Variants in FKBP9 observed in about 807,000 individuals in gnomAD.
The protein encoded by FKBP9 is peptidyl-prolyl cis-trans isomerase FKBP9.
Under a neutral mutation model 55.6 loss-of-function variants are expected in FKBP9, and 27 were observed. The ratio of observed to expected loss-of-function variants is 0.49; its 90% CI spans 0.36 to 0.67. The LOEUF is 0.67. FKBP9 is among the 30% of genes least tolerant of loss of function. The pLI, the probability that FKBP9 is intolerant of heterozygous loss-of-function variation, is 0.00. For synonymous variants in FKBP9, 267 were observed against 296.5 expected, an observed-to-expected ratio of 0.90 and a Z score of 1.02; for missense variants, 539 against 742.8, an observed-to-expected ratio of 0.73 and a Z score of 3.19.
intron 5 of FKBP9, among the ~76,000 whole-genome samples, chr7:32,984,468 G>A (rs919790092): frequency 9.2e-5 from 14 of 152,104 alleles, no homozygotes; most frequent in African/African-American, 3.4e-4. Flanking sequence ...ATTTCGGCCT[G>A]GTTGGTATCA....
Position 32,973,809 on chromosome 7 carries a change from G to A in FKBP9, c.222-808G>A, listed in dbSNP as rs1784303223. Among the ~76,000 whole-genome samples the A allele has an allele frequency of 4.6e-5, 2 of 43,346 alleles. 1 individual carries two copies. The highest frequency in any genetic ancestry group is 3.9e-4 in the Admixed American group (2 of 5,134). The allele number at this position is 43,346 out of a possible 152,430, so 28.4% of individuals were successfully genotyped here. On this transcript the variant is annotated intron_variant, in intron 1 of 9. Coordinates refer to ENST00000242209, the MANE Select transcript of FKBP9 (RefSeq NM_007270.5). ...GAGTTCAAGTGATTCTCCTGTCTCA[G>A]CCTCCCGAGTAGCTGGGATTACAGG...
intron 9 of FKBP9, among the ~76,000 whole-genome samples, chr7:33,004,524 C>A (rs924736933): frequency 6.6e-6 from 1 of 152,186 alleles, no homozygotes; most frequent in Non-Finnish European, 1.5e-5. Context: ...TCGGTCCTTT[C>A]CTTCTCATCT....
Position 33,002,800 on chromosome 7 carries a change from A to G in FKBP9, c.1497A>G (p.Glu499=), listed in dbSNP as rs1480647838. Residue 499 remains glutamate, a synonymous_variant, in exon 9 of 10, where the codon GAA becomes GAG. Coordinates refer to ENST00000242209, the MANE Select transcript of FKBP9 (RefSeq NM_007270.5). ...AGGTGTCACCCAACCTCTTTGAAGAAATTGACAAGGATGGCAACGGAGAAG... is the reference window on the plus strand; with the variant it reads ...AGGTGTCACCCAACCTCTTTGAAGAGATTGACAAGGATGGCAACGGAGAAG... ...NGEVSPNLFE[E]IDKDGNGEVL... 1 of 1,614,176 alleles carries G rather than the reference A, an allele frequency of 6.2e-7. No homozygotes were observed.
intron 1 of FKBP9, 28 bp downstream of exon 1, chr7:32,957,822 C>T: frequency 7.1e-7 from 1 of 1,406,516 alleles, no homozygotes; most frequent in Non-Finnish European, 9.3e-7. Flanking sequence ...CCCGGCGCGG[C>T]CTCAGCGGAT....
intron 6 of FKBP9, chr7:32,993,220 C>G (rs1784718128): frequency 4.3e-6 from 1 of 232,326 alleles, no homozygotes; most frequent in Non-Finnish European, 8.5e-6. Flanking sequence ...GTAAAATATA[C>G]TTAACATCTT....
chr7:32,973,580 A>AGT (rs10566069), intron 1 of FKBP9, among the ~76,000 whole-genome samples: 19,169 of 143,976 alleles, frequency 0.13, 1,697 homozygotes, highest in Admixed American at 0.29. Context: ...AAAAAAATCA[A>AGT]GTGTGTGTGT....
chr7:32,983,799 T>C (rs1050854676), intron 5 of FKBP9, among the ~76,000 whole-genome samples: 12 of 152,208 alleles, frequency 7.9e-5, no homozygotes, highest in African/African-American at 2.2e-4. Context: ...AATCTGAATT[T>C]TCTATTGCTA....
chr7:32,978,069 A>G (rs1784401018), intron 4 of FKBP9, among the ~76,000 whole-genome samples: 1 of 151,192 alleles, frequency 6.6e-6, no homozygotes, highest in Admixed American at 6.6e-5. Context: ...CTACAGGCGT[A>G]TGCAACCATG....
intron 8 of FKBP9, among the ~76,000 whole-genome samples, 174 bp from the exon 9 acceptor site, chr7:33,002,502 C>T (rs1349543051): frequency 6.6e-6 from 1 of 152,194 alleles, no homozygotes; most frequent in East Asian, 1.9e-4. Flanking sequence ...TTTCGTGAGT[C>T]ATTAACGGGC....
At chr7:33,005,144 T>C (rs1583876414) in intron 9 of FKBP9, 31 bp from the exon 10 acceptor site, 1 of 1,605,056 alleles carries the variant, frequency 6.2e-7, no homozygotes, top group Admixed American at 1.7e-5. Context: ...GCGGCTGAAC[T>C]CATGGTCTTT....
chr7:32,984,633 C>T (rs1305813694), intron 5 of FKBP9, among the ~76,000 whole-genome samples: 1 of 152,150 alleles, frequency 6.6e-6, no homozygotes, highest in Non-Finnish European at 1.5e-5. Context: ...TCCTGTCAGC[C>T]CCTTCCATTC....
chr7:32,972,868 G>A lies in FKBP9; in HGVS notation c.222-1749G>A, dbSNP rs563866730. Among the ~76,000 whole-genome samples the A allele has an allele frequency of 3.3e-5, 5 of 152,174 alleles. No individual in the cohort carries two copies. In the South Asian group the frequency reaches 1.0e-3, roughly 32 times the overall value. On this transcript the variant is annotated intron_variant, in intron 1 of 9. Transcript: ENST00000242209. ...CTCCCAAGTAGCTGGGACTACAGGTGCACACCACCACGCCTGGCTAATTTT... is the reference window on the plus strand; with the variant it reads ...CTCCCAAGTAGCTGGGACTACAGGTACACACCACCACGCCTGGCTAATTTT...
chr7:32,971,151 C>T (rs1456202255), intron 1 of FKBP9, among the ~76,000 whole-genome samples: 3 of 152,020 alleles, frequency 2.0e-5, no homozygotes, highest in Non-Finnish European at 4.4e-5. Flanking sequence ...AATGCTTACT[C>T]CAGAGTGTGC....
At chr7:32,998,377 G>A (rs943828410) in intron 7 of FKBP9, among the ~76,000 whole-genome samples, 1 of 152,150 alleles carries the variant, frequency 6.6e-6, no homozygotes, top group Non-Finnish European at 1.5e-5. Flanking sequence ...ATTCCTTCTC[G>A]GAGGCTCCAG....
intron 4 of FKBP9, chr7:32,979,625 C>T: frequency 1.5e-6 from 2 of 1,348,768 alleles, no homozygotes; most frequent in Non-Finnish European, 2.1e-6. Flanking sequence ...TTTCTACTAT[C>T]CCAAATTACT....
chr7:32,963,632 A>T, intron 1 of FKBP9: 1 of 1,460,840 alleles, frequency 6.8e-7, no homozygotes, highest in Non-Finnish European at 9.0e-7. Context: ...CTGCAGACTT[A>T]AGCAGAAAGG....
At chr7:33,000,067 T>C in intron 7 of FKBP9, 48 bp from the exon 8 acceptor site, 1 of 1,612,288 alleles carries the variant, frequency 6.2e-7, no homozygotes, top group Non-Finnish European at 8.5e-7. Context: ...ACACTCTCAG[T>C]GCCAATGGGT....
At chr7:32,979,939 AAAG>A (rs1370719463) in intron 4 of FKBP9, among the ~76,000 whole-genome samples, 4 of 151,648 alleles carry the variant, frequency 2.6e-5, no homozygotes. Flanking sequence ...CGTTCGTTTC[AAAG>A]AACAAGTCTG....
intron 1 of FKBP9, among the ~76,000 whole-genome samples, chr7:32,959,177 G>A (rs1271486220): frequency 4.0e-5 from 6 of 151,024 alleles, no homozygotes; most frequent in African/African-American, 1.5e-4. Flanking sequence ...AGGCCGAGGC[G>A]GGCGGATCAC....
Sources: allele counts gnomAD v4.1 joint callset (sites outside exome capture counted in the v4.1 genomes callset), GRCh38; gene constraint gnomAD v4.1.1; transcripts MANE v1.5; gene names NCBI Gene and HGNC (gene_info 2026-07-23, HGNC 2026-07-21).